Variants in SMAD6 observed in about 807,000 individuals in gnomAD.
SMAD6 encodes SMAD family member 6.
In SMAD6, 103 loss-of-function variants were observed where a neutral mutation model predicts 39.4. The ratio of observed to expected loss-of-function variants is 2.62; its 90% CI spans 2.23 to 3.08. The LOEUF (loss-of-function observed/expected upper bound fraction) is 3.08, where lower values mean the gene tolerates loss of function less well. Among genes scored for constraint, SMAD6 ranks in the 30% most tolerant of loss-of-function variants. The pLI is 0.00. For missense variants in SMAD6, 1,104 were observed against 742.9 expected (o/e 1.49, Z -5.65); for synonymous variants, 445 against 353.3 (o/e 1.26, Z -2.91).
intron 3 of SMAD6, among the ~76,000 whole-genome samples, chr15:66,779,286 A>G (rs1894518589): frequency 1.3e-5 from 2 of 151,876 alleles, no homozygotes; most frequent in Non-Finnish European, 2.9e-5. Flanking sequence ...AGGATGCAGG[A>G]CCTCTTCCTC....
intron 3 of SMAD6, among the ~76,000 whole-genome samples, chr15:66,719,513 A>C (rs1893393847): frequency 6.6e-6 from 1 of 152,144 alleles, no homozygotes; most frequent in South Asian, 2.1e-4. Context: ...TGTTACCCTC[A>C]GTGTCCTGGG....
chr15:66,752,385 G>A (rs1196303775), intron 3 of SMAD6, among the ~76,000 whole-genome samples: 20 of 152,212 alleles, frequency 1.3e-4, no homozygotes, highest in Admixed American at 1.2e-3. Context: ...TTTGGGGGGT[G>A]TTTTGAGTTC....
At chr15:66,780,892 C>T in intron 3 of SMAD6, 105 bp from the exon 4 acceptor site, 2 of 1,194,474 alleles carry the variant, frequency 1.7e-6, no homozygotes, top group Non-Finnish European at 2.3e-6. Context: ...TGCTGGAAAC[C>T]TTACCCAGCT....
intron 3 of SMAD6, chr15:66,717,124 T>A: frequency 3.9e-6 from 5 of 1,288,414 alleles, no homozygotes; most frequent in Non-Finnish European, 5.1e-6. Flanking sequence ...AATCAAACTT[T>A]CCTTGAGAAA....
At chr15:66,777,195 G>A (rs1894482012) in intron 3 of SMAD6, among the ~76,000 whole-genome samples, 1 of 152,200 alleles carries the variant, frequency 6.6e-6, no homozygotes, top group East Asian at 1.9e-4. Context: ...TGAGAGTTGA[G>A]TGGGGACAGG....
chr15:66,703,908 G>T lies in SMAD6; in HGVS notation c.650G>T (p.Gly217Val). Residue 217 changes from glycine to valine, a missense_variant, in exon 1 of 4, where the codon GGC (glycine) becomes GTC (valine). Physicochemically the swap from Gly to Val is moderately radical, Grantham distance 109. Transcript: ENST00000288840. Reference protein sequence around the residue: ...LVPRADLRLGGQPAPPQLLLG... With the variant: ...LVPRADLRLGVQPAPPQLLLG... ...CCGCGCGCCGACCTCCGCCTGGGCG[G>T]CCAGCCCGCGCCGCCGCAGCTGCTG... 7.8e-7 allele frequency: 1 copy of T among 1,289,126 alleles called. No individual in the cohort carries two copies. The highest frequency in any genetic ancestry group is 1.5e-5 in the African/African-American group (1 of 64,636). 79.9% of individuals were successfully genotyped at this position (1,289,126 alleles called of 1,614,324 possible).
intron 3 of SMAD6, among the ~76,000 whole-genome samples, chr15:66,730,805 C>T (rs915887397): frequency 2.0e-4 from 31 of 152,162 alleles, no homozygotes; most frequent in African/African-American, 6.8e-4. Flanking sequence ...AACTGAGGCT[C>T]AGAGGGGAGA....
chr15:66,721,192 G>A (rs2469113), intron 3 of SMAD6, among the ~76,000 whole-genome samples: 30,685 of 151,718 alleles, frequency 0.2, 3,348 homozygotes, highest in African/African-American at 0.3. Flanking sequence ...GACCCACCTA[G>A]GGTTGCAACC....
At chr15:66,758,172 A>G (rs1217443038) in intron 3 of SMAD6, among the ~76,000 whole-genome samples, 2 of 151,754 alleles carry the variant, frequency 1.3e-5, no homozygotes, top group African/African-American at 2.4e-5. Context: ...GTTCTTGAAA[A>G]CTCTTTTTTA....
At position 66,703,550 on chromosome 15, in the gene SMAD6, GC is replaced by G. The variant is rs2140581198; in HGVS notation, c.294del (p.Gly99AlafsTer26). 1 of 1,221,868 alleles carries G rather than the reference GC, an allele frequency of 8.2e-7. No homozygotes were observed. The highest frequency in any genetic ancestry group is 1.0e-6 in the Non-Finnish European group (1 of 979,104). The allele number at this position is 1,221,868 out of a possible 1,614,324, so 75.7% of individuals were successfully genotyped here. ...GPPRPMSEPG[A>X]GAGSSLLDVA... ...CCCGAGGCCCATGTCGGAGCCAGGG[GC>G]CGGCGCTGGGAGCTCCCTGCTGGAC... On this transcript the variant is annotated frameshift_variant, in exon 1 of 4. Transcript: ENST00000288840. LOFTEE classifies it high-confidence loss of function.
chr15:66,723,393 C>T (rs1893468560), intron 3 of SMAD6, among the ~76,000 whole-genome samples: 1 of 152,152 alleles, frequency 6.6e-6, no homozygotes, highest in Admixed American at 6.5e-5. Context: ...ATTTATTATT[C>T]AGAACTTACT....
intron 3 of SMAD6, among the ~76,000 whole-genome samples, chr15:66,724,740 C>A (rs552234839): frequency 6.6e-6 from 1 of 152,266 alleles, no homozygotes; most frequent in East Asian, 1.9e-4. Flanking sequence ...CCCCAAGCCC[C>A]CCAGTGGCTC....
intron 3 of SMAD6, among the ~76,000 whole-genome samples, chr15:66,759,106 C>T (rs925361379): frequency 1.3e-5 from 2 of 152,174 alleles, no homozygotes; most frequent in African/African-American, 2.4e-5. Context: ...CAACAAAACT[C>T]GGTAAAAACA....
chr15:66,763,294 G>C (rs1159414798), intron 3 of SMAD6, among the ~76,000 whole-genome samples: 1 of 152,224 alleles, frequency 6.6e-6, no homozygotes. Context: ...GGTAGCGCCA[G>C]GACAGGGGCA....
intron 3 of SMAD6, among the ~76,000 whole-genome samples, chr15:66,743,357 C>T (rs1044891513): frequency 6.6e-6 from 1 of 152,076 alleles, no homozygotes; most frequent in African/African-American, 2.4e-5. Flanking sequence ...GAGGAGGGCC[C>T]TCTGGGCTGG....
At chr15:66,765,455 C>T (rs1265332525) in intron 3 of SMAD6, among the ~76,000 whole-genome samples, 1 of 152,194 alleles carries the variant, frequency 6.6e-6, no homozygotes, top group African/African-American at 2.4e-5. Context: ...TATCTCCTGA[C>T]CTCGTGATCT....
At chr15:66,712,807 G>A (rs1379890232) in intron 2 of SMAD6, among the ~76,000 whole-genome samples, 1 of 151,784 alleles carries the variant, frequency 6.6e-6, no homozygotes, top group Non-Finnish European at 1.5e-5. Flanking sequence ...AGAAGTTCCA[G>A]ACCAGCCTGG....
At chr15:66,704,120 C>T in intron 1 of SMAD6, 45 bp downstream of exon 1, 1 of 1,337,892 alleles carries the variant, frequency 7.5e-7, no homozygotes, top group Non-Finnish European at 9.7e-7. Context: ...TCCCCGTCCC[C>T]ATCCCCTTCC....
intron 3 of SMAD6, among the ~76,000 whole-genome samples, chr15:66,728,546 A>G (rs866633110): frequency 3.9e-5 from 6 of 151,978 alleles, no homozygotes; most frequent in African/African-American, 1.5e-4. Context: ...AGCTGAGATT[A>G]CAGGAGCATG....
Sources: gnomAD v4.1 joint callset for allele counts (sites outside exome capture counted in the v4.1 genomes callset) on GRCh38, gnomAD v4.1.1 for gene constraint, MANE v1.5 for transcripts, NCBI Gene and HGNC (gene_info 2026-07-23, HGNC 2026-07-21) for gene names.